AP2A1: variants seen among roughly 807,000 people sequenced by gnomAD.
AP2A1 encodes the protein AP-2 complex subunit alpha-1.
AP2A1 carries 21 observed loss-of-function variants against 107.3 expected under a neutral mutation model. The ratio of observed to expected loss-of-function variants is 0.20; its 90% CI spans 0.14 to 0.28. AP2A1 has a LOEUF of 0.28. Among genes scored for constraint, AP2A1 ranks in the 10% least tolerant of loss-of-function variants. AP2A1 has a pLI of 1.00. For synonymous variants in AP2A1, 602 were observed against 564.8 expected, an observed-to-expected ratio of 1.07 and a Z score of -0.93; for missense variants, 873 against 1,307.7, an observed-to-expected ratio of 0.67 and a Z score of 5.13.
chr19:49,802,760 C>T (rs2073306449), intron 15 of AP2A1, 189 bp from the exon 16 acceptor site: 4 of 1,005,516 alleles, frequency 4.0e-6, no homozygotes, highest in East Asian at 5.2e-5. Context: ...TGCGGGGGCA[C>T]GGGCCAGGGT....
rs569703314 is a variant in AP2A1 at position 49,791,285 on chromosome 19, A to C, written c.474-650A>C. On this transcript the variant is annotated intron_variant, in intron 4 of 22. Transcript: ENST00000354293. ...CTGTTGCCCAAGCTAGAGGGAGTGC[A>C]GTGGCACAGTCATGGTGCACTGCCG... Among the ~76,000 whole-genome samples the C allele has an allele frequency of 1.3e-3, 201 of 152,306 alleles. 1 individual carries two copies. Among genetic ancestry groups the C allele is most frequent in the African/African-American group, 4.7e-3 (194 of 41,568 alleles).
rs779864737 is a variant in AP2A1 at position 49,805,968 on chromosome 19, GC to G, written c.2655+29del. ...TGAGAGACCGCGGGCGTGTTTGCCGGCCTATGGCTGCTTTGCTTCTCTGAGC... is the reference window on the plus strand; with the variant it reads ...TGAGAGACCGCGGGCGTGTTTGCCGGCTATGGCTGCTTTGCTTCTCTGAGC... On this transcript the variant is annotated intron_variant, in intron 21 of 22. Transcript: ENST00000354293. The G allele has an allele frequency of 1.4e-5, 23 of 1,613,542 alleles. No individual in the cohort carries two copies. In the Admixed American group the frequency reaches 3.0e-4, roughly 21 times the overall value.
At chr19:49,792,817 G>C (rs1370187774) in intron 5 of AP2A1, among the ~76,000 whole-genome samples, 174 bp from the exon 6 acceptor site, 1 of 152,092 alleles carries the variant, frequency 6.6e-6, no homozygotes, top group Admixed American at 6.5e-5. Context: ...TGGCGCCCGA[G>C]GCCCCGTGGC....
chr19:49,800,712 C>T, intron 11 of AP2A1: 1 of 410,572 alleles, frequency 2.4e-6, no homozygotes, highest in Non-Finnish European at 4.4e-6. Flanking sequence ...CTCAGGCAAT[C>T]TGCCCGCCTC....
intron 6 of AP2A1, among the ~76,000 whole-genome samples, chr19:49,795,052 G>A (rs2073194794): frequency 6.6e-6 from 1 of 152,192 alleles, no homozygotes; most frequent in African/African-American, 2.4e-5. Flanking sequence ...CCAAAAAAGG[G>A]TCAGACCCAA....
At chr19:49,792,569 C>A (rs112527770) in intron 5 of AP2A1, among the ~76,000 whole-genome samples, 1 of 151,868 alleles carries the variant, frequency 6.6e-6, no homozygotes, top group African/African-American at 2.4e-5. Flanking sequence ...GGCCAGGGAT[C>A]CTGTCCAGTG....
intron 18 of AP2A1, chr19:49,803,590 C>A: frequency 1.7e-6 from 1 of 583,214 alleles, no homozygotes. Flanking sequence ...GGAGGCTTTA[C>A]TTCCAGAACT....
rs2073096585 is a variant in AP2A1 at position 49,788,139 on chromosome 19, G to T, written c.474-3796G>T. Among the ~76,000 whole-genome samples, 1 of 152,086 alleles carries T rather than the reference G, an allele frequency of 6.6e-6. No homozygotes were observed. The highest frequency in any genetic ancestry group is 2.1e-4 in the South Asian group (1 of 4,830). ...TATTTGAATTTTTTATAGAGACAGGGTCTCACTATATTACCCAGGCTAGTC... is the reference window on the plus strand; with the variant it reads ...TATTTGAATTTTTTATAGAGACAGGTTCTCACTATATTACCCAGGCTAGTC... On this transcript the variant is annotated intron_variant, in intron 4 of 22. Coordinates refer to ENST00000354293, the MANE Select transcript of AP2A1 (RefSeq NM_130787.3). The surrounding 1 kb of genome is among the most constrained non-coding windows in gnomAD (Gnocchi z 4.5).
At chr19:49,799,846 G>A (rs1246919351) in intron 10 of AP2A1, 80 bp downstream of exon 10, 6 of 1,565,188 alleles carry the variant, frequency 3.8e-6, no homozygotes, top group Non-Finnish European at 5.2e-6. Flanking sequence ...AAGTCTAAGG[G>A]AGGAGGGGCT....
intron 1 of AP2A1, among the ~76,000 whole-genome samples, chr19:49,771,549 T>C (rs1472118307): frequency 6.6e-6 from 1 of 151,412 alleles, no homozygotes; most frequent in Non-Finnish European, 1.5e-5. Context: ...GCTGGGATTA[T>C]AGGCGCCCGC....
In AP2A1 at chr19:49,805,473, C is replaced by T; in HGVS notation, c.2365C>T (p.Arg789Cys). The T allele has an allele frequency of 6.5e-6, 10 of 1,549,160 alleles. No homozygotes were observed. Among genetic ancestry groups the T allele is most frequent in the South Asian group, 1.2e-5 (1 of 84,032 alleles). Residue 789 changes from arginine (R) to cysteine (C), a missense_variant, in exon 19 of 23, where the codon CGC becomes TGC. Arg to Cys is a radical substitution (Grantham distance 180). Coordinates refer to ENST00000354293, the MANE Select transcript of AP2A1 (RefSeq NM_130787.3). ...GGCACAGCTGGCTGTGCAGACCAAG[C>T]GCGTGGCGGCGCAGGTGGACGGCGG... ...LQTQLAVQTK[R>C]VAAQVDGGAQ...
At chr19:49,768,069 T>G (rs1034062067) in intron 1 of AP2A1, among the ~76,000 whole-genome samples, 1 of 151,886 alleles carries the variant, frequency 6.6e-6, no homozygotes, top group Non-Finnish European at 1.5e-5. Flanking sequence ...CGTTGGGTTC[T>G]GAAGTGCTTG....
Position 49,767,039 on chromosome 19 carries a change from C to A in AP2A1, c.-95C>A, listed in dbSNP as rs1171348627. 5 of 1,348,624 alleles carry A rather than the reference C, an allele frequency of 3.7e-6. No individual in the cohort carries two copies. The highest frequency in any genetic ancestry group is 4.9e-6 in the Non-Finnish European group (5 of 1,019,620). The allele number at this position is 1,348,624 out of a possible 1,614,324, so 83.5% of individuals were successfully genotyped here. ...CCCCGCGGCCGGCTCGGCTCCTTGG[C>A]GCTGCCTGGGGTCCTTTCCGCCCGG... On this transcript the variant is annotated 5_prime_UTR_variant, in exon 1 of 23. Coordinates refer to ENST00000354293, the MANE Select transcript of AP2A1 (RefSeq NM_130787.3).
intron 21 of AP2A1, 66 bp from the exon 22 acceptor site, chr19:49,806,053 C>G: frequency 6.2e-7 from 1 of 1,603,180 alleles, no homozygotes; most frequent in Non-Finnish European, 8.5e-7. Context: ...TTTTTGGGAT[C>G]TGGGATGCCA....
intron 11 of AP2A1, 167 bp from the exon 12 acceptor site, chr19:49,800,794 G>A (rs2073268890): frequency 7.1e-6 from 4 of 564,196 alleles, no homozygotes; most frequent in Admixed American, 3.3e-5. Context: ...TACTTCCTGT[G>A]TGAGCTTGGG....
intron 1 of AP2A1, among the ~76,000 whole-genome samples, chr19:49,769,227 G>A (rs1230461053): frequency 6.6e-6 from 1 of 150,542 alleles, no homozygotes; most frequent in East Asian, 2.0e-4. Flanking sequence ...CTCCAGGCTG[G>A]GCAACAAGAG....
At chr19:49,787,430 C>T (rs1243847529) in intron 4 of AP2A1, among the ~76,000 whole-genome samples, 2 of 149,152 alleles carry the variant, frequency 1.3e-5, no homozygotes, top group East Asian at 2.0e-4. Context: ...TCACTGCAAC[C>T]TCTGCCTCCC....
At chr19:49,781,312 T>C (rs530901949) in intron 1 of AP2A1, among the ~76,000 whole-genome samples, 156 of 152,068 alleles carry the variant, frequency 1.0e-3, no homozygotes, top group Middle Eastern at 0.01. Context: ...GGGTGGACAG[T>C]GGGACCTTCA....
At chr19:49,790,713 T>C (rs1170011241) in intron 4 of AP2A1, among the ~76,000 whole-genome samples, 1 of 152,208 alleles carries the variant, frequency 6.6e-6, no homozygotes, top group Non-Finnish European at 1.5e-5. Context: ...CCTGTGAATA[T>C]ATTCCCTTGG....
Sources: gnomAD v4.1 joint callset for allele counts (sites outside exome capture counted in the v4.1 genomes callset) on GRCh38, gnomAD v4.1.1 for gene constraint, Gnocchi (gnomAD v3.1) non-coding constraint, MANE v1.5 for transcripts, NCBI Gene and HGNC (gene_info 2026-07-23, HGNC 2026-07-21) for gene names.